The following SNAP47 variants were observed in gnomAD, a reference collection of about 807,000 sequenced individuals.
The protein encoded by SNAP47 is synaptosomal-associated protein 47.
SNAP47 carries 20 observed loss-of-function variants against 31.4 expected under a neutral mutation model. The observed-to-expected ratio is 0.64, with a 90% confidence interval of 0.45 to 0.93. The LOEUF (loss-of-function observed/expected upper bound fraction) is 0.93, where lower values mean the gene tolerates loss of function less well. Among genes scored for constraint, SNAP47 ranks in the 40% least tolerant of loss-of-function variants. The probability of loss-of-function intolerance (pLI) is 0.00; values close to 1 mark genes in which losing one functional copy is unlikely to be tolerated. For missense variants in SNAP47, 492 were observed against 528.5 expected (o/e 0.93, Z 0.68); for synonymous variants, 194 against 213.4 (o/e 0.91, Z 0.79).
At chr1:227,738,518 G>A (rs936952139) in intron 1 of SNAP47, among the ~76,000 whole-genome samples, 156 of 152,182 alleles carry the variant, frequency 1.0e-3, no homozygotes, top group African/African-American at 3.4e-3. Flanking sequence ...TCTCCATCGT[G>A]TATAATATAC....
At chr1:227,767,675 T>C (rs946817599) in intron 4 of SNAP47, among the ~76,000 whole-genome samples, 2 of 134,978 alleles carry the variant, frequency 1.5e-5, no homozygotes, top group Non-Finnish European at 3.3e-5. Context: ...TGGGCATGTG[T>C]ATATGTGCAT....
upstream of SNAP47, chr1:227,733,109 A>C (rs1660783341): frequency 1.4e-6 from 2 of 1,475,470 alleles, no homozygotes; most frequent in African/African-American, 2.8e-5. Flanking sequence ...CCAGGAACCC[A>C]CTGTGGGGTC....
At position 227,748,076 on chromosome 1, in the gene SNAP47, G is replaced by A. The variant is rs1336227630; in HGVS notation, c.340G>A (p.Val114Ile). 1.2e-6 allele frequency: 2 copies of A among 1,614,056 alleles called. No individual in the cohort carries two copies. Among genetic ancestry groups the A allele is most frequent in the Non-Finnish European group, 1.7e-6 (2 of 1,180,050 alleles). The change falls in exon 2 of 5, where the codon GTC becomes ATC. Residue 114 changes from valine (V) to isoleucine (I), a missense_variant. Transcript: ENST00000617596. ...SQPGAVADASVPRTRGEELTG... is the reference protein window; with the variant it reads ...SQPGAVADASIPRTRGEELTG... ...GCCTGGAGCCGTGGCAGACGCATCT[G>A]TCCCAAGGACCCGGGGCGAGGAGCT...
At chr1:227,758,441 G>A (rs541803571) in intron 2 of SNAP47, among the ~76,000 whole-genome samples, 1 of 152,234 alleles carries the variant, frequency 6.6e-6, no homozygotes, top group Non-Finnish European at 1.5e-5. Flanking sequence ...TGAGGAGGAG[G>A]TGCAGTCGGC....
intron 4 of SNAP47, among the ~76,000 whole-genome samples, chr1:227,777,986 C>T (rs979316298): frequency 3.3e-5 from 5 of 152,242 alleles, no homozygotes; most frequent in Non-Finnish European, 7.3e-5. Flanking sequence ...TGTCAGCTTA[C>T]ATTGCATATC....
At chr1:227,731,972 T>G (rs963732793), upstream of SNAP47, 1 of 229,864 alleles carries the variant, frequency 4.4e-6, no homozygotes, top group African/African-American at 2.2e-5. Flanking sequence ...CCAGCACTGC[T>G]CCAACCCCTC....
intron 3 of SNAP47, among the ~76,000 whole-genome samples, chr1:227,761,586 A>C (rs1254775542): frequency 1.3e-5 from 2 of 152,196 alleles, no homozygotes; most frequent in African/African-American, 4.8e-5. Context: ...GAGACAGGCT[A>C]CAGAAGCATA....
intron 4 of SNAP47, among the ~76,000 whole-genome samples, chr1:227,773,503 C>G (rs1663959199): frequency 6.6e-6 from 1 of 152,156 alleles, no homozygotes; most frequent in African/African-American, 2.4e-5. Context: ...TTTAGTGGAG[C>G]CTTAGTGCGC....
chr1:227,733,194 G>A (rs1054809285), upstream of SNAP47: 18 of 894,794 alleles, frequency 2.0e-5, no homozygotes, highest in South Asian at 2.2e-4. Flanking sequence ...TGGCGGGCTC[G>A]GACCACCTCA....
chr1:227,729,300 G>A (rs973764805), intron 1 of SNAP47, among the ~76,000 whole-genome samples: 7 of 152,216 alleles, frequency 4.6e-5, no homozygotes, highest in African/African-American at 1.7e-4. Context: ...TGGGGGTACA[G>A]ACAACAGGAC....
At chr1:227,756,800 C>T (rs1171008179) in intron 2 of SNAP47, among the ~76,000 whole-genome samples, 3 of 152,254 alleles carry the variant, frequency 2.0e-5, no homozygotes, top group Non-Finnish European at 2.9e-5. Context: ...GGCCAAGTTA[C>T]CGTGCACAGC....
chr1:227,757,237 A>T (rs920480967), intron 2 of SNAP47, among the ~76,000 whole-genome samples: 1 of 152,234 alleles, frequency 6.6e-6, no homozygotes, highest in Non-Finnish European at 1.5e-5. Flanking sequence ...GAGCTTCACT[A>T]TAGGGCTAGG....
chr1:227,770,483 T>A (rs1182088999), intron 4 of SNAP47: 1 of 154,384 alleles, frequency 6.5e-6, no homozygotes, highest in Non-Finnish European at 1.5e-5. Context: ...GCTGGAACAT[T>A]CTGAAGTCAT....
intron 1 of SNAP47, among the ~76,000 whole-genome samples, chr1:227,729,121 C>G (rs1183456842): frequency 6.6e-6 from 1 of 152,224 alleles, no homozygotes; most frequent in Non-Finnish European, 1.5e-5. Flanking sequence ...CAGGGTTTGG[C>G]TCTCCCAGAG....
rs1296203233 is a variant in SNAP47 at position 227,735,467 on chromosome 1, G to T, written c.-78G>T. 3 of 1,436,196 alleles carry T rather than the reference G, an allele frequency of 2.1e-6. No homozygotes were observed. The highest frequency in any genetic ancestry group is 2.7e-6 in the Non-Finnish European group (3 of 1,105,922). 89.0% of individuals were successfully genotyped at this position (1,436,196 alleles called of 1,614,324 possible). Reference sequence around the variant, plus strand: ...AGGCGCCGAGCGGCCGAGGCGCCGCGGTCGGCTCTGGGACTCGTCTGGCGT... The same window carrying T: ...AGGCGCCGAGCGGCCGAGGCGCCGCTGTCGGCTCTGGGACTCGTCTGGCGT... On this transcript the variant is annotated 5_prime_UTR_variant, in exon 1 of 5. Transcript: ENST00000617596.
chr1:227,758,592 A>G (rs1245673790), intron 2 of SNAP47, among the ~76,000 whole-genome samples: 1 of 152,222 alleles, frequency 6.6e-6, no homozygotes, highest in African/African-American at 2.4e-5. Context: ...TGCCTGCTAC[A>G]GTATGGACAG....
chr1:227,742,720 C>T (rs971512642), intron 1 of SNAP47, among the ~76,000 whole-genome samples: 1 of 152,212 alleles, frequency 6.6e-6, no homozygotes, highest in African/African-American at 2.4e-5. Flanking sequence ...TGGGCAGCCT[C>T]TTCAGCCAGG....
upstream of SNAP47, chr1:227,734,788 A>C: frequency 6.2e-7 from 1 of 1,614,008 alleles, no homozygotes; most frequent in Non-Finnish European, 8.5e-7. Flanking sequence ...CCTGGACCCC[A>C]CAGTTTGCAA....
chr1:227,757,332 CT>C (rs1165685518), intron 2 of SNAP47, among the ~76,000 whole-genome samples: 1 of 152,186 alleles, frequency 6.6e-6, no homozygotes, highest in Non-Finnish European at 1.5e-5. Context: ...AACAGACCAT[CT>C]TGGGTGCAGC....
Sources: allele counts gnomAD v4.1 joint callset (sites outside exome capture counted in the v4.1 genomes callset), GRCh38; gene constraint gnomAD v4.1.1; transcripts MANE v1.5; gene names NCBI Gene and HGNC (gene_info 2026-07-23, HGNC 2026-07-21).